The following PHACTR1 variants were observed in gnomAD, a reference collection of about 807,000 sequenced individuals.
PHACTR1 encodes phosphatase and actin regulator 1.
Under a neutral mutation model 69.2 loss-of-function variants are expected in PHACTR1, and 16 were observed. That is an observed-to-expected ratio of 0.23 (90% confidence interval 0.16 to 0.35). PHACTR1 has a LOEUF of 0.35. Ranked by LOEUF, PHACTR1 falls within the 10% of genes least tolerant of loss-of-function variation. PHACTR1 has a pLI of 1.00. For missense variants in PHACTR1, 510 were observed against 734.7 expected (o/e 0.69, Z 3.54); for synonymous variants, 312 against 284.5 (o/e 1.10, Z -0.97).
intron 4 of PHACTR1, among the ~76,000 whole-genome samples, chr6:13,000,643 G>GAAGGAAGGAA (rs1562115334): frequency 8.8e-5 from 5 of 56,508 alleles, no homozygotes; most frequent in African/African-American, 7.2e-4. Flanking sequence ...GAAGGAAGGG[G>GAAGGAAGGAA]GGAGGGAGGG....
In PHACTR1 at chr6:13,283,793, G is replaced by C. The variant is rs1270803805; in HGVS notation, c.1650+231G>C. The C allele has an allele frequency of 1.7e-6, 1 of 579,778 alleles. No homozygotes were observed. The highest frequency in any genetic ancestry group is 1.9e-5 in the African/African-American group (1 of 53,568). 35.9% of individuals were successfully genotyped at this position (579,778 alleles called of 1,614,324 possible). The stretch of plus-strand genomic sequence containing the variant: ...TAATACTGTGCCCATTTTACAGGAG[G>C]AGGAGCAGCAGCCTGGGAGGCTGTG... On this transcript the variant is annotated intron_variant, in intron 13 of 14. Coordinates refer to ENST00000332995, the MANE Select transcript of PHACTR1 (RefSeq NM_030948.6). The surrounding 1 kb of genome is among the most constrained non-coding windows in gnomAD (Gnocchi z 4.7).
chr6:13,079,050 G>A (rs1276700456), intron 5 of PHACTR1, among the ~76,000 whole-genome samples: 2 of 152,150 alleles, frequency 1.3e-5, no homozygotes, highest in Admixed American at 1.3e-4. Flanking sequence ...AAGAAAAAAA[G>A]TTTTCCAAGA....
chr6:13,059,965 G>A (rs1384212564), intron 5 of PHACTR1, among the ~76,000 whole-genome samples: 2 of 152,036 alleles, frequency 1.3e-5, no homozygotes, highest in African/African-American at 4.8e-5. Context: ...GGAAAGAAGA[G>A]GGCCAAGGAC....
chr6:13,203,175 C>A (rs1203140351), intron 7 of PHACTR1, among the ~76,000 whole-genome samples: 5 of 152,204 alleles, frequency 3.3e-5, no homozygotes, highest in Admixed American at 2.6e-4. Context: ...GGTGTGAATT[C>A]ATCCCACAGC....
intron 5 of PHACTR1, among the ~76,000 whole-genome samples, chr6:13,065,394 C>T (rs1808470082): frequency 6.6e-6 from 1 of 151,754 alleles, no homozygotes; most frequent in Admixed American, 6.6e-5. Context: ...CTCGGTGAAC[C>T]AGAGGAGAGA....
At chr6:12,914,899 G>A (rs532198489) in intron 4 of PHACTR1, among the ~76,000 whole-genome samples, 1 of 152,278 alleles carries the variant, frequency 6.6e-6, no homozygotes, top group Admixed American at 6.5e-5. Context: ...AAGTCCACTG[G>A]ATGATGGAGA....
At chr6:13,168,936 G>A (rs1022667805) in intron 6 of PHACTR1, among the ~76,000 whole-genome samples, 9 of 152,090 alleles carry the variant, frequency 5.9e-5, no homozygotes, top group East Asian at 1.9e-4. Context: ...GGTTTTCCAC[G>A]TAATCAGATT....
chr6:13,187,315 A>C (rs1762947472), intron 7 of PHACTR1, among the ~76,000 whole-genome samples: 2 of 152,238 alleles, frequency 1.3e-5, no homozygotes, highest in South Asian at 4.1e-4. Flanking sequence ...AATTCAATGC[A>C]GTCTGATAAA....
chr6:13,231,120 AG>A (rs1770981439), intron 10 of PHACTR1, among the ~76,000 whole-genome samples: 6 of 135,752 alleles, frequency 4.4e-5, no homozygotes, highest in African/African-American at 2.1e-4. Context: ...AAGGAAAGAG[AG>A]AAAGAAAGAA....
At chr6:13,148,602 TA>T (rs1203970032) in intron 5 of PHACTR1, among the ~76,000 whole-genome samples, 1 of 152,150 alleles carries the variant, frequency 6.6e-6, no homozygotes, top group Non-Finnish European at 1.5e-5. Flanking sequence ...CCTACTCAGT[TA>T]ACAGAGCTCC....
chr6:13,008,512 C>T (rs889811966), intron 4 of PHACTR1, among the ~76,000 whole-genome samples: 3 of 152,192 alleles, frequency 2.0e-5, no homozygotes, highest in African/African-American at 7.2e-5. Flanking sequence ...TGTATTATAT[C>T]AAATATGAGA....
intron 4 of PHACTR1, among the ~76,000 whole-genome samples, chr6:12,889,264 C>T (rs1783935855): frequency 6.6e-6 from 1 of 152,114 alleles, no homozygotes; most frequent in South Asian, 2.1e-4. Context: ...GAGCGAGACC[C>T]AATCTCAAAA....
chr6:13,168,769 T>G (rs1271473949), intron 6 of PHACTR1, among the ~76,000 whole-genome samples: 1 of 151,862 alleles, frequency 6.6e-6, no homozygotes, highest in African/African-American at 2.4e-5. Flanking sequence ...GAAGGACCAG[T>G]CCAGTTGGAG....
chr6:13,086,250 TAGTAG>T (rs1812285271), intron 5 of PHACTR1, among the ~76,000 whole-genome samples: 1 of 152,096 alleles, frequency 6.6e-6, no homozygotes, highest in Non-Finnish European at 1.5e-5. Flanking sequence ...AAATGCATAC[TAGTAG>T]AAATAGAAAA....
chr6:13,014,785 A>G (rs1191183988), intron 4 of PHACTR1, among the ~76,000 whole-genome samples: 1 of 152,228 alleles, frequency 6.6e-6, no homozygotes, highest in Non-Finnish European at 1.5e-5. Context: ...TGTGCGAGCC[A>G]GAGCTCCCGC....
intron 3 of PHACTR1, among the ~76,000 whole-genome samples, chr6:12,737,270 A>G (rs1329010117): frequency 6.6e-6 from 1 of 152,130 alleles, no homozygotes; most frequent in African/African-American, 2.4e-5. Flanking sequence ...TTGTGTATCT[A>G]AATATAGAAA....
intron 5 of PHACTR1, among the ~76,000 whole-genome samples, chr6:13,079,994 A>G (rs185453657): frequency 3.5e-4 from 53 of 152,254 alleles, no homozygotes; most frequent in Non-Finnish European, 1.8e-4. Flanking sequence ...GCGTGTAACC[A>G]GTCTCCCTTG....
intron 3 of PHACTR1, among the ~76,000 whole-genome samples, chr6:12,727,115 A>C (rs1354170491): frequency 1.3e-5 from 2 of 152,106 alleles, no homozygotes; most frequent in African/African-American, 4.8e-5. Flanking sequence ...ACAACTGACA[A>C]ACTACCTACC....
chr6:12,873,236 C>T (rs778068478), intron 4 of PHACTR1, among the ~76,000 whole-genome samples: 1 of 151,798 alleles, frequency 6.6e-6, no homozygotes, highest in African/African-American at 2.4e-5. Flanking sequence ...AGGCTGGTCT[C>T]GAACTCCTGG....
Sources: allele counts gnomAD v4.1 joint callset (sites outside exome capture counted in the v4.1 genomes callset), GRCh38; gene constraint gnomAD v4.1.1; non-coding constraint Gnocchi (gnomAD v3.1); transcripts MANE v1.5; gene names NCBI Gene and HGNC (gene_info 2026-07-23, HGNC 2026-07-21).